The following CLSTN2 variants were observed in gnomAD, a reference collection of about 807,000 sequenced individuals.
CLSTN2 encodes the protein calsyntenin-2.
CLSTN2 carries 48 observed loss-of-function variants against 101.2 expected under a neutral mutation model. That is an observed-to-expected ratio of 0.47 (90% confidence interval 0.38 to 0.60). CLSTN2 has a LOEUF of 0.60. Ranked by LOEUF, CLSTN2 falls within the 20% of genes least tolerant of loss-of-function variation. CLSTN2 has a pLI of 0.00. For synonymous variants in CLSTN2, 481 were observed against 463.6 expected (o/e 1.04, Z -0.48); for missense variants, 1,160 against 1,238.2 (o/e 0.94, Z 0.95).
At chr3:140,176,894 G>T (rs1373121890) in intron 2 of CLSTN2, among the ~76,000 whole-genome samples, 2 of 152,232 alleles carry the variant, frequency 1.3e-5, no homozygotes, top group Non-Finnish European at 2.9e-5. Flanking sequence ...ATAGATGGGT[G>T]CCAGGCTGAG....
At chr3:140,103,339 A>G (rs2008999270) in intron 1 of CLSTN2, among the ~76,000 whole-genome samples, 1 of 152,152 alleles carries the variant, frequency 6.6e-6, no homozygotes, top group South Asian at 2.1e-4. Context: ...TGCACAGCTG[A>G]CTTACAGTGG....
intron 2 of CLSTN2, among the ~76,000 whole-genome samples, chr3:140,403,036 T>G (rs980116961): frequency 2.4e-4 from 37 of 152,120 alleles, no homozygotes; most frequent in African/African-American, 8.2e-4. Context: ...ATGCACTGAT[T>G]GAGAAAAAAG....
Position 140,127,950 on chromosome 3 carries a change from A to G in CLSTN2, c.110-48001A>G, listed in dbSNP as rs143654739. 7.3e-3 allele frequency among the ~76,000 whole-genome samples: 1,115 copies of G among 152,272 alleles called. 16 individuals are homozygous for G. Among genetic ancestry groups the G allele is most frequent in the African/African-American group, 0.026 (1,062 of 41,552 alleles). ...AAGTGCCATCCTTATTTAAATAATC[A>G]TAGTAATAATAAAGCCTCTAAAATT... On this transcript the variant is annotated intron_variant, in intron 1 of 16. Coordinates refer to ENST00000458420, the MANE Select transcript of CLSTN2 (RefSeq NM_022131.3).
chr3:140,519,136 G>A (rs1314062861), intron 8 of CLSTN2, among the ~76,000 whole-genome samples: 1 of 152,214 alleles, frequency 6.6e-6, no homozygotes, highest in Non-Finnish European at 1.5e-5. Context: ...TGATGGTGTG[G>A]TTTTGGGTGA....
intron 1 of CLSTN2, among the ~76,000 whole-genome samples, chr3:140,021,625 A>G (rs1441215217): frequency 1.3e-5 from 2 of 152,062 alleles, no homozygotes; most frequent in Non-Finnish European, 2.9e-5. Flanking sequence ...CAGGAGCACC[A>G]AGGAAGTACA....
intron 9 of CLSTN2, among the ~76,000 whole-genome samples, chr3:140,539,795 C>G (rs1009345971): frequency 6.6e-6 from 1 of 152,188 alleles, no homozygotes; most frequent in African/African-American, 2.4e-5. Flanking sequence ...AAGTACCTTG[C>G]TGCGAGTCAT....
In CLSTN2 at chr3:140,370,770, A is replaced by C. The variant is rs114531229; in HGVS notation, c.233-32859A>C. Among the ~76,000 whole-genome samples the C allele has an allele frequency of 3.5e-3, 533 of 152,282 alleles. 3 individuals are homozygous for C. The highest frequency in any genetic ancestry group is 0.012 in the African/African-American group (494 of 41,560). On this transcript the variant is annotated intron_variant, in intron 2 of 16. Coordinates refer to ENST00000458420, the MANE Select transcript of CLSTN2 (RefSeq NM_022131.3). Reference sequence around the variant, plus strand: ...GGATGAGTTGCCTTCTGGGAGCTGAATAGCTTTTTCTGATGTGAAGCTCCC... The same window carrying C: ...GGATGAGTTGCCTTCTGGGAGCTGACTAGCTTTTTCTGATGTGAAGCTCCC...
intron 2 of CLSTN2, among the ~76,000 whole-genome samples, chr3:140,367,254 C>T (rs2087801456): frequency 6.6e-6 from 1 of 151,868 alleles, no homozygotes; most frequent in Non-Finnish European, 1.5e-5. Context: ...GTGGCTCACA[C>T]CTGTAATCCC....
chr3:140,376,842 C>G (rs2087923130), intron 2 of CLSTN2, among the ~76,000 whole-genome samples: 2 of 152,148 alleles, frequency 1.3e-5, no homozygotes, highest in African/African-American at 4.8e-5. Flanking sequence ...GTTCTTCTAT[C>G]AGTTTGTCTT....
At chr3:140,365,282 G>A (rs966001673) in intron 2 of CLSTN2, among the ~76,000 whole-genome samples, 1 of 152,068 alleles carries the variant, frequency 6.6e-6, no homozygotes, top group Non-Finnish European at 1.5e-5. Flanking sequence ...AGTGTTTGGT[G>A]TTGATACAGA....
chr3:140,007,737 G>A (rs189682066), intron 1 of CLSTN2, among the ~76,000 whole-genome samples: 9 of 152,124 alleles, frequency 5.9e-5, no homozygotes, highest in South Asian at 4.2e-4. Flanking sequence ...AGCTAAGTAC[G>A]CTCCTTGTGT....
At chr3:140,418,521 T>C (rs1006611447) in intron 4 of CLSTN2, among the ~76,000 whole-genome samples, 7 of 143,158 alleles carry the variant, frequency 4.9e-5, no homozygotes, top group South Asian at 2.2e-4. Flanking sequence ...TTCTTTCTTT[T>C]TTTTTTTTTT....
At chr3:140,409,756 A>G (rs1194925066) in intron 4 of CLSTN2, among the ~76,000 whole-genome samples, 1 of 152,192 alleles carries the variant, frequency 6.6e-6, no homozygotes, top group Non-Finnish European at 1.5e-5. Context: ...AATTGTTCTA[A>G]AGAAACTCAG....
intron 1 of CLSTN2, among the ~76,000 whole-genome samples, chr3:139,977,004 C>T (rs181207048): frequency 4.5e-3 from 692 of 152,310 alleles, no homozygotes; most frequent in Middle Eastern, 0.031. Flanking sequence ...CCACCTGGAC[C>T]TGGGGCCTGG....
At chr3:140,096,339 A>C (rs764366240) in intron 1 of CLSTN2, among the ~76,000 whole-genome samples, 1 of 152,136 alleles carries the variant, frequency 6.6e-6, no homozygotes, top group African/African-American at 2.4e-5. Context: ...TTTGCAGTGG[A>C]AGGTTTCCGA....
At chr3:140,401,398 C>A (rs2088239772) in intron 2 of CLSTN2, among the ~76,000 whole-genome samples, 1 of 152,208 alleles carries the variant, frequency 6.6e-6, no homozygotes. Context: ...TAGCACAGTG[C>A]CTGAGACTTA....
At chr3:140,130,891 G>A (rs1263335852) in intron 1 of CLSTN2, among the ~76,000 whole-genome samples, 1 of 152,138 alleles carries the variant, frequency 6.6e-6, no homozygotes, top group African/African-American at 2.4e-5. Context: ...CTTCAGCACT[G>A]ACAACCCTTT....
intron 1 of CLSTN2, among the ~76,000 whole-genome samples, chr3:140,164,965 A>G (rs953155094): frequency 1.3e-5 from 2 of 152,140 alleles, no homozygotes; most frequent in African/African-American, 4.8e-5. Flanking sequence ...ATGGATGGAA[A>G]GAAAATAGGA....
chr3:139,998,591 G>A (rs936271133), intron 1 of CLSTN2, among the ~76,000 whole-genome samples: 3 of 151,696 alleles, frequency 2.0e-5, no homozygotes, highest in Admixed American at 6.6e-5. Flanking sequence ...TGATCCGCCC[G>A]CCTCGGCCTC....
Sources: gnomAD v4.1 joint callset for allele counts (sites outside exome capture counted in the v4.1 genomes callset) on GRCh38, gnomAD v4.1.1 for gene constraint, MANE v1.5 for transcripts, NCBI Gene and HGNC (gene_info 2026-07-23, HGNC 2026-07-21) for gene names.